The following RNF151 variants were observed in gnomAD, a reference collection of about 807,000 sequenced individuals.
RNF151 encodes ring finger protein 151.
In RNF151, 9 loss-of-function variants were observed where a neutral mutation model predicts 11.1. That is an observed-to-expected ratio of 0.81 (90% CI 0.49 to 1.42). RNF151 has a LOEUF of 1.42. RNF151 is among the 40% of genes most tolerant of loss of function. The probability of loss-of-function intolerance (pLI) is 0.00; values close to 1 mark genes in which losing one functional copy is unlikely to be tolerated. For synonymous variants in RNF151, 172 were observed against 140.7 expected (o/e 1.22, Z -1.58); for missense variants, 372 against 342.9 (o/e 1.08, Z -0.67).
In RNF151 at chr16:1,968,586, T is replaced by C. The variant is rs1258179854; in HGVS notation, c.399T>C (p.His133=). ...PRGTLAEHRQ[H]CQQGSQQRCP... is the part of the protein sequence containing the mutation. ...GGACCCTGGCAGAGCACCGGCAGCATTGCCAGCAAGGGTCCCAGCAGCGCT... is the reference window on the plus strand; with the variant it reads ...GGACCCTGGCAGAGCACCGGCAGCACTGCCAGCAAGGGTCCCAGCAGCGCT... Residue 133 remains histidine, a synonymous_variant, in exon 4 of 4, where the codon CAT becomes CAC. Transcript: ENST00000569714. The C allele has an allele frequency of 1.9e-6, 3 of 1,596,480 alleles. No individual in the cohort carries two copies. The highest frequency in any genetic ancestry group is 1.1e-5 in the South Asian group (1 of 88,244).
chr16:1,967,114 C>T (rs1406602603), intron 1 of RNF151, 160 bp from the exon 2 acceptor site: 2 of 548,978 alleles, frequency 3.6e-6, no homozygotes, highest in Non-Finnish European at 4.6e-6. Context: ...GGGCCCTAAC[C>T]CCCACAGCTG....
chr16:1,967,136 T>G, intron 1 of RNF151, 138 bp from the exon 2 acceptor site: 2 of 1,165,498 alleles, frequency 1.7e-6, no homozygotes, highest in South Asian at 3.0e-5. Flanking sequence ...CCCCTCAAAG[T>G]GGGCGCTGAG....
rs557659184 is a variant in RNF151 at position 1,968,419 on chromosome 16, C to G, written c.247-15C>G. Reference sequence around the variant, plus strand: ...GTCCTGCCCGGTTTCTTCACACGTTCTCCTTCACCCTCAGTGCAAGAACGC... The same window carrying G: ...GTCCTGCCCGGTTTCTTCACACGTTGTCCTTCACCCTCAGTGCAAGAACGC... On this transcript the variant is annotated splice_polypyrimidine_tract_variant and intron_variant, in intron 3 of 3. Transcript: ENST00000569714. 1 of 1,521,032 alleles carries G rather than the reference C, an allele frequency of 6.6e-7. No individual in the cohort carries two copies. Among genetic ancestry groups the G allele is most frequent in the South Asian group, 1.3e-5 (1 of 79,436 alleles). 94.2% of individuals were successfully genotyped at this position (1,521,032 alleles called of 1,614,324 possible).
rs1365551281 is a variant in RNF151, at chr16:1,967,794, GA to G, written c.223del (p.Thr75ProfsTer17). The G allele has an allele frequency of 6.2e-7, 1 of 1,610,794 alleles. No individual in the cohort carries two copies. The highest frequency in any genetic ancestry group is 8.5e-7 in the Non-Finnish European group (1 of 1,178,572). ...AGGTTGTCCACATGAATAAACTCCG[GA>G]AAACCATTGGCCGCCTGGAAGTCAA... ...KKVVHMNKLR[K>X]TIGRLEVKCK... On this transcript the variant is annotated frameshift_variant, in exon 3 of 4. Transcript: ENST00000569714. LOFTEE classifies it low-confidence loss of function (END_TRUNC).
At chr16:1,966,974 C>G in intron 1 of RNF151, 90 bp downstream of exon 1, 2 of 1,429,308 alleles carry the variant, frequency 1.4e-6, no homozygotes, top group South Asian at 1.4e-5. Flanking sequence ...CCCCACTCCA[C>G]TCGGAAAGGG....
intron 3 of RNF151, chr16:1,968,106 T>C (rs949841078): frequency 7.5e-6 from 5 of 668,072 alleles, no homozygotes; most frequent in South Asian, 6.5e-5. Context: ...AAGTGCCCAG[T>C]GTGCCTGCCA....
chr16:1,967,296 T>C lies in RNF151; in HGVS notation c.26T>C (p.Leu9Pro). The C allele has an allele frequency of 6.2e-7, 1 of 1,613,408 alleles. No homozygotes were observed. The highest frequency in any genetic ancestry group is 8.5e-7 in the Non-Finnish European group (1 of 1,179,836). MGGGYDLN[L>P]FASPPDSNFV... ...CAGGGTGGCGGGTATGATCTCAACC[T>C]CTTCGCCAGCCCTCCTGACAGCAAC... is the stretch of plus-strand genomic sequence containing the variant. The change falls in exon 2 of 4, where the codon CTC becomes CCC. Residue 9 changes from leucine (L) to proline (P), a missense_variant. Coordinates refer to ENST00000569714, the MANE Select transcript of RNF151 (RefSeq NM_174903.6).
Position 1,967,316 on chromosome 16 carries a change from A to C in RNF151, c.46A>C (p.Ser16Arg), listed in dbSNP as rs759836880. The C allele has an allele frequency of 6.2e-7, 1 of 1,613,570 alleles. No individual in the cohort carries two copies. The highest frequency in any genetic ancestry group is 8.5e-7 in the Non-Finnish European group (1 of 1,179,832). The stretch of plus-strand genomic sequence containing the variant: ...CAACCTCTTCGCCAGCCCTCCTGAC[A>C]GCAACTTCGTGTGCTCCGTCTGCCA... ...DLNLFASPPD[S>R]NFVCSVCHGV... The change falls in exon 2 of 4, where the codon AGC becomes CGC. Residue 16 changes from serine (S) to arginine (R), a missense_variant. Coordinates refer to ENST00000569714, the MANE Select transcript of RNF151 (RefSeq NM_174903.6).
chr16:1,967,927 A>C (rs1300846523), intron 3 of RNF151, 106 bp downstream of exon 3: 2 of 832,460 alleles, frequency 2.4e-6, no homozygotes, highest in African/African-American at 3.4e-5. Context: ...AGAGAGAAAC[A>C]AGTGCAGCCT....
chr16:1,967,196 G>T, intron 1 of RNF151, 78 bp from the exon 2 acceptor site: 11 of 1,524,320 alleles, frequency 7.2e-6, no homozygotes, highest in African/African-American at 1.4e-5. Context: ...CCAAAAGCTT[G>T]CTGGGCTCTC....
chr16:1,968,722 C>G lies in RNF151; in HGVS notation c.535C>G (p.Leu179Val), dbSNP rs1457547702. The change falls in exon 4 of 4, where the codon CTG becomes GTG. Residue 179 changes from leucine (L) to valine (V), a missense_variant. Coordinates refer to ENST00000569714, the MANE Select transcript of RNF151 (RefSeq NM_174903.6). The stretch of plus-strand genomic sequence containing the variant: ...GCGCCAGGAGCGCCGTCGGCCCCTG[C>G]TGCTGTCCCTCCTGCGGCGTGTGCG... Reference protein sequence around the residue: ...SVRQERRRPLLLSLLRRVRWL... With the variant: ...SVRQERRRPLVLSLLRRVRWL... The G allele has an allele frequency of 6.4e-7, 1 of 1,569,100 alleles. No homozygotes were observed. Among genetic ancestry groups the G allele is most frequent in the Non-Finnish European group, 8.6e-7 (1 of 1,157,990 alleles).
Position 1,968,442 on chromosome 16 carries a change from C to T in RNF151, c.255C>T (p.Asn85=), listed in dbSNP as rs546461412. The T allele has an allele frequency of 1.4e-5, 21 of 1,555,350 alleles. No individual in the cohort carries two copies. The highest frequency in any genetic ancestry group is 1.8e-5 in the Admixed American group (1 of 54,076). The change falls in exon 4 of 4, where the codon AAC becomes AAT. Residue 85 remains asparagine (N), a synonymous_variant. Coordinates refer to ENST00000569714, the MANE Select transcript of RNF151 (RefSeq NM_174903.6). ...TIGRLEVKCK[N]ADAGCIVTCP... The stretch of plus-strand genomic sequence containing the variant: ...TTCTCCTTCACCCTCAGTGCAAGAA[C>T]GCCGACGCTGGCTGCATAGTGACAT...
At chr16:1,967,856 C>T in intron 3 of RNF151, 35 bp downstream of exon 3, 1 of 1,460,588 alleles carries the variant, frequency 6.8e-7, no homozygotes, top group South Asian at 1.2e-5. Flanking sequence ...GACCCTCAAC[C>T]CTTCTCACCC....
intron 3 of RNF151, among the ~76,000 whole-genome samples, chr16:1,968,203 CA>C (rs901177813): frequency 1.8e-4 from 27 of 152,332 alleles, no homozygotes; most frequent in African/African-American, 6.3e-4. Context: ...CAGACCAACC[CA>C]ACTGTGTACC....
chr16:1,967,968 C>T (rs1236053543), intron 3 of RNF151, 147 bp downstream of exon 3: 11 of 721,702 alleles, frequency 1.5e-5, no homozygotes, highest in Non-Finnish European at 2.7e-5. Flanking sequence ...GAGTTTGGAT[C>T]GTGGCTCTAC....
intron 2 of RNF151, 30 bp downstream of exon 2, chr16:1,967,449 G>A (rs2150877306): frequency 1.3e-6 from 2 of 1,599,592 alleles, no homozygotes; most frequent in Non-Finnish European, 1.7e-6. Context: ...GGGCTGGGAG[G>A]GCAGGAGTGA....
rs1192549169 is a variant in RNF151 at position 1,967,293 on chromosome 16, A to C, written c.23A>C (p.Asn8Thr). The C allele has an allele frequency of 5.6e-6, 9 of 1,612,918 alleles. No homozygotes were observed. Among genetic ancestry groups the C allele is most frequent in the Non-Finnish European group, 7.6e-6 (9 of 1,179,712 alleles). Reference protein sequence around the residue: MGGGYDLNLFASPPDSNF... With the variant: MGGGYDLTLFASPPDSNF... Reference sequence around the variant, plus strand: ...TTGCAGGGTGGCGGGTATGATCTCAACCTCTTCGCCAGCCCTCCTGACAGC... The same window carrying C: ...TTGCAGGGTGGCGGGTATGATCTCACCCTCTTCGCCAGCCCTCCTGACAGC... The change falls in exon 2 of 4, where the codon AAC becomes ACC. Residue 8 changes from asparagine (N) to threonine (T), a missense_variant. By Grantham distance (65) the Asn-to-Thr change is moderately conservative. Coordinates refer to ENST00000569714, the MANE Select transcript of RNF151 (RefSeq NM_174903.6).
chr16:1,967,881 C>T lies in RNF151; in HGVS notation c.246+60C>T, dbSNP rs1238433501. On this transcript the variant is annotated intron_variant, in intron 3 of 3. Coordinates refer to ENST00000569714, the MANE Select transcript of RNF151 (RefSeq NM_174903.6). ...CCTTCTCACCCTTGTAGGGGTGGGG[C>T]AGGGCTAGGAGAGAAGGCAGGAGAA... 3 of 1,233,220 alleles carry T rather than the reference C, an allele frequency of 2.4e-6. No individual in the cohort carries two copies. The South Asian group carries it at 3.8e-5, about 16-fold the overall frequency. The allele number at this position is 1,233,220 out of a possible 1,614,324, so 76.4% of individuals were successfully genotyped here.
rs768709513 is a variant in RNF151, at chr16:1,968,945, C to G, written c.*20C>G. On this transcript the variant is annotated 3_prime_UTR_variant, in exon 4 of 4. Coordinates refer to ENST00000569714, the MANE Select transcript of RNF151 (RefSeq NM_174903.6). The stretch of plus-strand genomic sequence containing the variant: ...AAATAGGTAAATAAAAGCAGACCCC[C>G]GGCCTGCCTGCCTCTGTGCCTGCGG... The G allele has an allele frequency of 6.4e-7, 1 of 1,554,814 alleles. No homozygotes were observed. The highest frequency in any genetic ancestry group is 8.7e-7 in the Non-Finnish European group (1 of 1,147,926).
Sources: allele counts gnomAD v4.1 joint callset (sites outside exome capture counted in the v4.1 genomes callset), GRCh38; gene constraint gnomAD v4.1.1; transcripts MANE v1.5; gene names NCBI Gene and HGNC (gene_info 2026-07-23, HGNC 2026-07-21).